Variants in NPM1 observed in about 807,000 individuals in gnomAD.
NPM1 encodes the protein nucleophosmin 1, also known as nucleophosmin.
In NPM1, 1 loss-of-function variant was observed where a neutral mutation model predicts 44.1. The ratio of observed to expected loss-of-function variants is 0.02; its 90% confidence interval spans 0.01 to 0.11. NPM1 has a LOEUF of 0.11. Among genes scored for constraint, NPM1 ranks in the 10% least tolerant of loss-of-function variants. The pLI is 1.00. For missense variants in NPM1, 197 were observed against 347.8 expected, an observed-to-expected ratio of 0.57 and a Z score of 3.45; for synonymous variants, 126 against 111.8, an observed-to-expected ratio of 1.13 and a Z score of -0.80.
intron 6 of NPM1, 68 bp from the exon 7 acceptor site, chr5:171,400,085 C>A: frequency 1.1e-6 from 1 of 904,420 alleles, no homozygotes. Context: ...CTTCAAGGTC[C>A]TGCTTTCAAT....
chr5:171,399,706 ACT>A (rs749921093), intron 6 of NPM1, among the ~76,000 whole-genome samples: 1 of 150,888 alleles, frequency 6.6e-6, no homozygotes, highest in African/African-American at 2.4e-5. Context: ...ACACAAATTC[ACT>A]CTGAGTGTAC....
chr5:171,390,831 C>T (rs926287606), intron 2 of NPM1, among the ~76,000 whole-genome samples: 1 of 151,880 alleles, frequency 6.6e-6, no homozygotes, highest in Non-Finnish European at 1.5e-5. Context: ...TCAAGTAATT[C>T]CCTGCCTCAC....
intron 2 of NPM1, among the ~76,000 whole-genome samples, chr5:171,390,660 A>G (rs1248851892): frequency 2.6e-5 from 4 of 152,160 alleles, no homozygotes; most frequent in African/African-American, 9.7e-5. Flanking sequence ...CTGGGTCAAC[A>G]GATGGATCGC....
At chr5:171,401,371 TTG>T (rs1170426867) in intron 8 of NPM1, among the ~76,000 whole-genome samples, 2 of 151,844 alleles carry the variant, frequency 1.3e-5, no homozygotes, top group Non-Finnish European at 2.9e-5. Context: ...AATCAGCTTG[TTG>T]TGTGTTGTAG....
chr5:171,388,398 G>A (rs1770381905), intron 1 of NPM1, among the ~76,000 whole-genome samples: 1 of 152,230 alleles, frequency 6.6e-6, no homozygotes, highest in African/African-American at 2.4e-5. Flanking sequence ...TGGTCCTGGA[G>A]GCTGGGTTCA....
chr5:171,390,193 C>A, intron 2 of NPM1, 63 bp downstream of exon 2: 1 of 972,256 alleles, frequency 1.0e-6, no homozygotes, highest in Non-Finnish European at 1.5e-6. Context: ...AGTTTCTATT[C>A]ATGTGGCTTG....
At chr5:171,392,622 A>G (rs1770637438) in intron 4 of NPM1, 88 bp from the exon 5 acceptor site, 1 of 669,674 alleles carries the variant, frequency 1.5e-6, no homozygotes, top group Non-Finnish European at 2.4e-6. Context: ...TAGAAGTCTC[A>G]GTTTTTAGAG....
intron 10 of NPM1, among the ~76,000 whole-genome samples, chr5:171,408,523 ATTAT>A (rs1382633601): frequency 2.0e-5 from 3 of 152,090 alleles, no homozygotes; most frequent in Admixed American, 6.5e-5. Flanking sequence ...TTGCACTTCA[ATTAT>A]TTAATTGCAC....
intron 1 of NPM1, among the ~76,000 whole-genome samples, chr5:171,388,818 T>C (rs1172149525): frequency 6.6e-6 from 1 of 152,194 alleles, no homozygotes; most frequent in Non-Finnish European, 1.5e-5. Context: ...CTAGCCCCAC[T>C]TTGCAGATGA....
chr5:171,398,765 C>T (rs1360044431), intron 6 of NPM1, among the ~76,000 whole-genome samples: 1 of 152,100 alleles, frequency 6.6e-6, no homozygotes, highest in Non-Finnish European at 1.5e-5. Context: ...AGCGAGACTC[C>T]GCCTCAAAAA....
In NPM1 at chr5:171,387,927, C is replaced by CCTAA. The variant is rs752842004; in HGVS notation, c.-21_-18dup. 1.0e-4 allele frequency: 161 copies of CCTAA among 1,609,546 alleles called. No homozygotes were observed. In the African/African-American group the frequency reaches 1.8e-3, roughly 18 times the overall value. ...TTATCTCCGTCCGCCTTCTCTCCTA[C>CCTAA]CTAAGTGCGTGCCGCCACCCGATGG... On this transcript the variant is annotated 5_prime_UTR_variant, in exon 1 of 11. Transcript: ENST00000296930.
chr5:171,387,536 C>T (rs759369542), upstream of NPM1: 5 of 217,526 alleles, frequency 2.3e-5, no homozygotes, highest in Admixed American at 5.8e-5. Flanking sequence ...GGGAGGCCGG[C>T]GCGCTTGAGC....
intron 8 of NPM1, among the ~76,000 whole-genome samples, chr5:171,404,773 G>A (rs1249178515): frequency 1.3e-5 from 2 of 150,032 alleles, no homozygotes; most frequent in Non-Finnish European, 3.0e-5. Flanking sequence ...ACTTTGGGAG[G>A]CCAAGGCAGG....
intron 7 of NPM1, among the ~76,000 whole-genome samples, chr5:171,400,549 C>T (rs567583034): frequency 8.7e-4 from 131 of 151,442 alleles, no homozygotes; most frequent in African/African-American, 2.9e-3. Context: ...TTCTGCCTCC[C>T]GGGTTGAAGC....
chr5:171,393,305 A>G (rs1425709553), intron 6 of NPM1, among the ~76,000 whole-genome samples: 5 of 152,212 alleles, frequency 3.3e-5, no homozygotes, highest in African/African-American at 4.8e-5. Context: ...GGTATGTTTT[A>G]TGGTGAGCAG....
chr5:171,388,591 G>C (rs1278273233), intron 1 of NPM1, among the ~76,000 whole-genome samples: 1 of 137,648 alleles, frequency 7.3e-6, no homozygotes, highest in Non-Finnish European at 1.5e-5. Flanking sequence ...TTGCCACGTG[G>C]TTGGGGGAGG....
At chr5:171,405,443 CAA>C (rs547291595) in intron 9 of NPM1, 40 bp downstream of exon 9, 3 of 861,048 alleles carry the variant, frequency 3.5e-6, no homozygotes, top group South Asian at 1.5e-5. Context: ...TCTCCCCCCT[CAA>C]ATTGCACGTG....
chr5:171,397,661 T>C (rs77738450), intron 6 of NPM1, among the ~76,000 whole-genome samples: 5,580 of 152,208 alleles, frequency 0.037, 390 homozygotes, highest in African/African-American at 0.13. Flanking sequence ...CTTTTTGATA[T>C]GATTTTTGTA....
At chr5:171,388,177 G>T (rs1285767619) in intron 1 of NPM1, among the ~76,000 whole-genome samples, 171 bp downstream of exon 1, 2 of 151,976 alleles carry the variant, frequency 1.3e-5, no homozygotes, top group Non-Finnish European at 2.9e-5. Context: ...AGGGATTGGA[G>T]CCGCGGGGGG....
Sources: allele counts gnomAD v4.1 joint callset (sites outside exome capture counted in the v4.1 genomes callset), GRCh38; gene constraint gnomAD v4.1.1; transcripts MANE v1.5; gene names NCBI Gene and HGNC (gene_info 2026-07-23, HGNC 2026-07-21).